The following KDM5A variants were observed in gnomAD, a reference collection of about 807,000 sequenced individuals.
KDM5A encodes lysine-specific demethylase 5A.
In KDM5A, 42 loss-of-function variants were observed where a neutral mutation model predicts 193.5. The ratio of observed to expected loss-of-function variants is 0.22; its 90% confidence interval spans 0.17 to 0.28. The LOEUF (loss-of-function observed/expected upper bound fraction) is 0.28. Ranked by LOEUF, KDM5A falls within the 10% of genes least tolerant of loss-of-function variation. KDM5A has a pLI of 1.00. For missense variants in KDM5A, 1,692 were observed against 2,055.1 expected, an observed-to-expected ratio of 0.82 and a Z score of 3.42; for synonymous variants, 796 against 718.1, an observed-to-expected ratio of 1.11 and a Z score of -1.73.
intron 4 of KDM5A, among the ~76,000 whole-genome samples, chr12:363,776 A>T (rs1224891155): frequency 6.6e-6 from 1 of 152,184 alleles, no homozygotes; most frequent in Non-Finnish European, 1.5e-5. Context: ...AGAAATAAAA[A>T]AATGGTTCTT....
chr12:368,736 A>C (rs1380556852), intron 3 of KDM5A, among the ~76,000 whole-genome samples: 1 of 152,184 alleles, frequency 6.6e-6, no homozygotes, highest in Non-Finnish European at 1.5e-5. Flanking sequence ...CTCAAGGAAA[A>C]AACAAACAGA....
In KDM5A at chr12:389,103, G is replaced by C. The variant is rs754316137; in HGVS notation, c.-12C>G. The C allele has an allele frequency of 1.7e-4, 4 of 22,862 alleles. No individual in the cohort carries two copies. Among genetic ancestry groups the C allele is most frequent in the Non-Finnish European group, 2.1e-4 (3 of 13,964 alleles). The allele number at this position is 22,862 out of a possible 1,614,324, so 1.4% of individuals were successfully genotyped here. On this transcript the variant is annotated 5_prime_UTR_variant, in exon 1 of 28. Coordinates refer to ENST00000399788, the MANE Select transcript of KDM5A (RefSeq NM_001042603.3). ...CCCACGCCCGCCATTGCAACGGCCG[G>C]GGGGGGGGGGGGGTCCCCGTGGGGA...
At chr12:372,279 C>T in intron 3 of KDM5A, among the ~76,000 whole-genome samples, 1 of 152,128 alleles carries the variant, frequency 6.6e-6, no homozygotes. Flanking sequence ...TTTCATTGAG[C>T]AGTGGTTTGT....
At chr12:364,654 G>A (rs767182369) in intron 4 of KDM5A, among the ~76,000 whole-genome samples, 11 of 149,792 alleles carry the variant, frequency 7.3e-5, no homozygotes, top group Admixed American at 1.3e-4. Flanking sequence ...GCGTGGTGGT[G>A]GGCACCTGTA....
intron 26 of KDM5A, among the ~76,000 whole-genome samples, chr12:294,641 A>G (rs531391426): frequency 6.6e-6 from 1 of 152,344 alleles, no homozygotes; most frequent in Admixed American, 6.5e-5. Context: ...TATGCTAAAT[A>G]TATCTGTATC....
At chr12:354,748 C>A (rs1284151650) in intron 7 of KDM5A, among the ~76,000 whole-genome samples, 1 of 141,348 alleles carries the variant, frequency 7.1e-6, no homozygotes, top group Non-Finnish European at 1.5e-5. Flanking sequence ...GCCTGGGCAA[C>A]AGCAAGACTC....
rs372439960 is a variant in KDM5A at position 313,086 on chromosome 12, T to C, written c.3006A>G (p.Arg1002=). ...LSLKEALQKA[R]EWTAKVEAIQ... is the part of the protein sequence containing the mutation. ...TAGCTTCCACTTTAGCGGTCCATTC[T>C]CGAGCCTTTTGTAAGGCTTCTTTCA... The change falls in exon 20 of 28, where the codon CGA becomes CGG. Residue 1002 remains arginine (R), a synonymous_variant. Coordinates refer to ENST00000399788, the MANE Select transcript of KDM5A (RefSeq NM_001042603.3). 70 of 1,614,054 alleles carry C rather than the reference T, an allele frequency of 4.3e-5. No individual in the cohort carries two copies. Among genetic ancestry groups the C allele is most frequent in the Middle Eastern group, 1.6e-4 (1 of 6,084 alleles).
Position 285,462 on chromosome 12 carries a change from G to C in KDM5A, c.5067C>G (p.Thr1689=), listed in dbSNP as rs1366706613. The change falls in exon 28 of 28, where the codon ACC becomes ACG. Residue 1689 remains threonine (T), a synonymous_variant. Transcript: ENST00000399788. ...CAAACTAACCAAGCATCTGCTAACT[G>C]GTCTCTTTAAGATCCTCCATTGGTA... ...YKLPMEDLKE[T]S is the part of the protein sequence containing the mutation. 6.2e-7 allele frequency: 1 copy of C among 1,613,704 alleles called. No homozygotes were observed. The highest frequency in any genetic ancestry group is 8.5e-7 in the Non-Finnish European group (1 of 1,179,718).
chr12:292,611 AAC>A (rs1424945395), intron 27 of KDM5A, 146 bp downstream of exon 27: 5 of 973,498 alleles, frequency 5.1e-6, no homozygotes, highest in South Asian at 2.9e-5. Context: ...CATTATTCAA[AAC>A]AGTTTATAGA....
intron 10 of KDM5A, among the ~76,000 whole-genome samples, chr12:347,871 A>C (rs577761890): frequency 1.1e-4 from 17 of 152,346 alleles, no homozygotes; most frequent in Admixed American, 3.3e-4. Flanking sequence ...TTCATGACTA[A>C]AACACCAAAA....
intron 27 of KDM5A, among the ~76,000 whole-genome samples, chr12:289,892 A>AT (rs78074995): frequency 0.13 from 15,648 of 123,190 alleles, 1,618 homozygotes; most frequent in East Asian, 0.39. Context: ...AAAAAGCATG[A>AT]TTTTTTCTTT....
chr12:296,932 G>A (rs550247220), intron 25 of KDM5A, 109 bp downstream of exon 25: 2 of 1,151,286 alleles, frequency 1.7e-6, no homozygotes, highest in East Asian at 4.9e-5. Context: ...GTATTTCATG[G>A]CCAACCATTG....
intron 20 of KDM5A, among the ~76,000 whole-genome samples, chr12:311,519 T>G (rs1006225509): frequency 6.6e-6 from 1 of 151,840 alleles, no homozygotes; most frequent in Non-Finnish European, 1.5e-5. Flanking sequence ...AAACACATGA[T>G]AGTTACCTAT....
At chr12:295,885 T>A in intron 25 of KDM5A, 92 bp from the exon 26 acceptor site, 4 of 1,006,094 alleles carry the variant, frequency 4.0e-6, no homozygotes, top group Non-Finnish European at 6.2e-6. Context: ...TAGCCCCCCA[T>A]CCCCCAATAC....
At chr12:383,040 T>C (rs1162716328) in intron 3 of KDM5A, among the ~76,000 whole-genome samples, 1 of 152,060 alleles carries the variant, frequency 6.6e-6, no homozygotes, top group Non-Finnish European at 1.5e-5. Context: ...ATTAACACAA[T>C]TTCAGCAAAA....
rs1943869756 is a variant in KDM5A at position 331,803 on chromosome 12, T to C, written c.1773+16A>G. Reference sequence around the variant, plus strand: ...GGGTTAGTAGACGTACAACAGCCACTTGCTATAGAACAGACCCAGTCAGCA... The same window carrying C: ...GGGTTAGTAGACGTACAACAGCCACCTGCTATAGAACAGACCCAGTCAGCA... On this transcript the variant is annotated intron_variant, in intron 13 of 27. Coordinates refer to ENST00000399788, the MANE Select transcript of KDM5A (RefSeq NM_001042603.3). 6.2e-7 allele frequency: 1 copy of C among 1,613,712 alleles called. No homozygotes were observed. Among genetic ancestry groups the C allele is most frequent in the Non-Finnish European group, 8.5e-7 (1 of 1,179,812 alleles).
chr12:300,993 C>A (rs1489277388), intron 24 of KDM5A, among the ~76,000 whole-genome samples: 1 of 152,140 alleles, frequency 6.6e-6, no homozygotes, highest in Non-Finnish European at 1.5e-5. Flanking sequence ...GAAGTTGAAT[C>A]CCTGAATAGA....
chr12:318,020 A>T lies in KDM5A; in HGVS notation c.2897+86T>A, dbSNP rs573496463. 3 of 1,024,798 alleles carry T rather than the reference A, an allele frequency of 2.9e-6. No homozygotes were observed. The Admixed American group carries it at 6.0e-5, about 21-fold the overall frequency. 63.5% of individuals were successfully genotyped at this position (1,024,798 alleles called of 1,614,324 possible). A position where few individuals can be genotyped will look rare whatever the true frequency, so the allele number is the denominator to read the frequency against. ...AACGCAAAAAAAAAAAAAGTCATTT[A>T]ATGAAATAAGCTTTTAAGTTCCTTC... On this transcript the variant is annotated intron_variant, in intron 19 of 27. Transcript: ENST00000399788.
chr12:293,550 G>A (rs973164790), intron 26 of KDM5A, among the ~76,000 whole-genome samples: 28 of 152,072 alleles, frequency 1.8e-4, no homozygotes, highest in African/African-American at 6.3e-4. Flanking sequence ...AGGCCGAGGC[G>A]GGTGGATCAC....
Sources: gnomAD v4.1 joint callset for allele counts (sites outside exome capture counted in the v4.1 genomes callset) on GRCh38, gnomAD v4.1.1 for gene constraint, MANE v1.5 for transcripts, NCBI Gene and HGNC (gene_info 2026-07-23, HGNC 2026-07-21) for gene names.